TIMM17A: variants seen among roughly 807,000 people sequenced by gnomAD.
TIMM17A encodes the protein mitochondrial import inner membrane translocase subunit Tim17-A.
TIMM17A carries 15 observed loss-of-function variants against 26.5 expected under a neutral mutation model. That is an observed-to-expected ratio of 0.57 (90% CI 0.38 to 0.87). TIMM17A has a LOEUF of 0.87. Among genes scored for constraint, TIMM17A ranks in the 40% least tolerant of loss-of-function variants. TIMM17A has a pLI of 0.00. For missense variants in TIMM17A, 201 were observed against 210.0 expected (o/e 0.96, Z 0.27); for synonymous variants, 80 against 70.8 (o/e 1.13, Z -0.66).
At chr1:201,969,386 G>T in intron 5 of TIMM17A, 83 bp from the exon 6 acceptor site, 3 of 1,113,768 alleles carry the variant, frequency 2.7e-6, no homozygotes, top group African/African-American at 1.6e-5. Flanking sequence ...GTTGTTGATT[G>T]ATTTACTCTC....
At chr1:201,965,628 A>T in intron 5 of TIMM17A, 85 bp downstream of exon 5, 1 of 861,856 alleles carries the variant, frequency 1.2e-6, no homozygotes, top group Admixed American at 1.9e-5. Flanking sequence ...GTGTGATAAA[A>T]TGTGTGGTAT....
At position 201,955,506 on chromosome 1, in the gene TIMM17A, A is replaced by C. The variant is rs1403274584; in HGVS notation, c.-21A>C. On this transcript the variant is annotated 5_prime_UTR_variant, in exon 1 of 6. Transcript: ENST00000367287. Reference sequence around the variant, plus strand: ...GGCTCCGCCCAGCTTGCCCGGCATCACTCGCGGCATTGGAGTCAAGATGGA... The same window carrying C: ...GGCTCCGCCCAGCTTGCCCGGCATCCCTCGCGGCATTGGAGTCAAGATGGA... The C allele has an allele frequency of 3.7e-6, 6 of 1,614,162 alleles. No homozygotes were observed. In the South Asian group the frequency reaches 5.5e-5, roughly 15 times the overall value.
intron 3 of TIMM17A, 81 bp from the exon 4 acceptor site, chr1:201,963,535 A>G: frequency 6.9e-7 from 1 of 1,439,074 alleles, no homozygotes. Context: ...GACTATAGTG[A>G]GTATGTTTTT....
intron 3 of TIMM17A, 33 bp from the exon 4 acceptor site, chr1:201,963,583 A>G (rs1682572663): frequency 6.3e-7 from 1 of 1,580,880 alleles, no homozygotes; most frequent in African/African-American, 1.4e-5. Flanking sequence ...AATTTAAATT[A>G]GTATTTGCTT....
chr1:201,962,177 T>A (rs1466958963), intron 3 of TIMM17A: 1 of 152,092 alleles, frequency 6.6e-6, no homozygotes, highest in African/African-American at 2.4e-5. Flanking sequence ...CAGAAAATTT[T>A]AGTGAGGTAA....
chr1:201,955,996 T>C (rs1211985130), intron 1 of TIMM17A, among the ~76,000 whole-genome samples: 1 of 152,212 alleles, frequency 6.6e-6, no homozygotes, highest in Non-Finnish European at 1.5e-5. Context: ...GAGGTTTTAC[T>C]TGTATCATGA....
intron 3 of TIMM17A, among the ~76,000 whole-genome samples, chr1:201,959,127 A>G (rs1682477300): frequency 1.3e-5 from 2 of 152,188 alleles, no homozygotes; most frequent in African/African-American, 4.8e-5. Flanking sequence ...CTATCACCTT[A>G]CGCATTTTCA....
At chr1:201,959,509 C>G (rs1309538268) in intron 3 of TIMM17A, among the ~76,000 whole-genome samples, 2 of 150,670 alleles carry the variant, frequency 1.3e-5, no homozygotes, top group Non-Finnish European at 2.9e-5. Flanking sequence ...CAAAAATTAG[C>G]TGGGCATGGT....
At chr1:201,961,232 AGT>A in intron 3 of TIMM17A, among the ~76,000 whole-genome samples, 1 of 151,934 alleles carries the variant, frequency 6.6e-6, no homozygotes, top group Admixed American at 6.6e-5. Context: ...CTTCTGGCTA[AGT>A]TTTTTGTATT....
chr1:201,955,503 A>G lies in TIMM17A; in HGVS notation c.-24A>G. ...TCAGGCTCCGCCCAGCTTGCCCGGC[A>G]TCACTCGCGGCATTGGAGTCAAGAT... On this transcript the variant is annotated 5_prime_UTR_variant, in exon 1 of 6. Coordinates refer to ENST00000367287, the MANE Select transcript of TIMM17A (RefSeq NM_006335.3). The G allele has an allele frequency of 1.2e-6, 2 of 1,614,240 alleles. No homozygotes were observed. Among genetic ancestry groups the G allele is most frequent in the East Asian group, 2.2e-5 (1 of 44,886 alleles).
chr1:201,967,509 A>G (rs897089837), intron 5 of TIMM17A, among the ~76,000 whole-genome samples: 2 of 43,858 alleles, frequency 4.6e-5, no homozygotes, highest in African/African-American at 1.4e-4. Context: ...CCTCAGAGGG[A>G]ATCTCCTTTT....
chr1:201,960,907 G>C (rs1223536580), intron 3 of TIMM17A, among the ~76,000 whole-genome samples: 1 of 151,646 alleles, frequency 6.6e-6, no homozygotes, highest in African/African-American at 2.4e-5. Flanking sequence ...CGCCACCACA[G>C]CCGGGATAAT....
chr1:201,961,169 G>A (rs565628815), intron 3 of TIMM17A, among the ~76,000 whole-genome samples: 6 of 151,526 alleles, frequency 4.0e-5, no homozygotes, highest in South Asian at 2.1e-4. Context: ...CGGTTCAAGC[G>A]ATTGTCCATC....
At position 201,963,658 on chromosome 1, in the gene TIMM17A, G is replaced by A. The variant is rs1682573913; in HGVS notation, c.233G>A (p.Cys78Tyr). The A allele has an allele frequency of 6.2e-7, 1 of 1,610,958 alleles. No individual in the cohort carries two copies. Among genetic ancestry groups the A allele is most frequent in the Non-Finnish European group, 8.5e-7 (1 of 1,179,190 alleles). ...VWGGLFSMID[C>Y]SMVQVRGKED... The stretch of plus-strand genomic sequence containing the variant: ...GGAGGGCTGTTTTCCATGATTGACT[G>A]TAGTATGGTTCAAGTCAGAGGAAAG... Residue 78 changes from cysteine (C) to tyrosine (Y), a missense_variant, in exon 4 of 6, where the codon TGT becomes TAT. Cys to Tyr is a radical substitution (Grantham distance 194, BLOSUM62 -2). Transcript: ENST00000367287.
chr1:201,969,458 C>A lies in TIMM17A; in HGVS notation c.431-11C>A. ...GGTGATTTTTAAATCCTTTTTATTT[C>A]TCACTTGCAGGTCCTCAGTTTGCAG... is the stretch of plus-strand genomic sequence containing the variant. On this transcript the variant is annotated splice_polypyrimidine_tract_variant and intron_variant, in intron 5 of 5. Transcript: ENST00000367287. The A allele has an allele frequency of 6.2e-7, 1 of 1,604,770 alleles. No homozygotes were observed. Among genetic ancestry groups the A allele is most frequent in the Non-Finnish European group, 8.5e-7 (1 of 1,173,290 alleles).
rs79773159 is a variant in TIMM17A, at chr1:201,969,777, A to G, written c.*223A>G. On this transcript the variant is annotated 3_prime_UTR_variant, in exon 6 of 6. Transcript: ENST00000367287. ...CACTTGAATTGCATTTGTGATCAAA[A>G]TAAATGTTTAAATCGCTAAAGGAAA... The G allele has an allele frequency of 3.6e-3, 1,384 of 381,596 alleles. 27 individuals are homozygous for G. The highest frequency in any genetic ancestry group is 0.027 in the African/African-American group (1,280 of 47,918). 23.6% of individuals were successfully genotyped at this position (381,596 alleles called of 1,614,324 possible).
intron 1 of TIMM17A, among the ~76,000 whole-genome samples, chr1:201,956,395 C>T (rs1013810526): frequency 3.3e-5 from 5 of 152,206 alleles, no homozygotes; most frequent in African/African-American, 4.8e-5. Context: ...AAGATGTCCT[C>T]AATTTGTGAA....
At chr1:201,960,310 G>A (rs548547865) in intron 3 of TIMM17A, among the ~76,000 whole-genome samples, 2 of 151,874 alleles carry the variant, frequency 1.3e-5, no homozygotes, top group African/African-American at 4.8e-5. Context: ...TGAGGGAGAA[G>A]AATCGCTTGA....
chr1:201,965,526 C>T lies in TIMM17A; in HGVS notation c.413C>T (p.Ser138Phe), dbSNP rs1682612244. 1 of 1,612,314 alleles carries T rather than the reference C, an allele frequency of 6.2e-7. No individual in the cohort carries two copies. Among genetic ancestry groups the T allele is most frequent in the Non-Finnish European group, 8.5e-7 (1 of 1,178,322 alleles). ...GAGILLTRFA[S>F]AQFPNGPQFA... Reference sequence around the variant, plus strand: ...GGTATCTTGTTGACAAGATTTGCCTCTGCACAGTTTCCCAATGGTGAGTCT... The same window carrying T: ...GGTATCTTGTTGACAAGATTTGCCTTTGCACAGTTTCCCAATGGTGAGTCT... The change falls in exon 5 of 6, where the codon TCT (serine) becomes TTT (phenylalanine). Residue 138 changes from serine (S) to phenylalanine (F), a missense_variant. Physicochemically the swap from Ser to Phe is radical, Grantham distance 155. Coordinates refer to ENST00000367287, the MANE Select transcript of TIMM17A (RefSeq NM_006335.3).
Sources: allele counts gnomAD v4.1 joint callset (sites outside exome capture counted in the v4.1 genomes callset), GRCh38; gene constraint gnomAD v4.1.1; transcripts MANE v1.5; gene names NCBI Gene and HGNC (gene_info 2026-07-23, HGNC 2026-07-21).